SLC16A7: variants seen among roughly 807,000 people sequenced by gnomAD.
SLC16A7 encodes the protein monocarboxylate transporter 2.
SLC16A7 carries 33 observed loss-of-function variants against 34.9 expected under a neutral mutation model. The observed-to-expected ratio is 0.94, with a 90% CI of 0.72 to 1.26. The LOEUF (loss-of-function observed/expected upper bound fraction) is 1.26. Ranked by LOEUF, SLC16A7 falls within the 50% of genes most tolerant of loss-of-function variation. The pLI is 0.00. For synonymous variants in SLC16A7, 201 were observed against 206.6 expected (o/e 0.97, Z 0.23); for missense variants, 573 against 578.1 (o/e 0.99, Z 0.09).
At chr12:59,625,683 T>A (rs1259306772) in intron 1 of SLC16A7, among the ~76,000 whole-genome samples, 3 of 151,816 alleles carry the variant, frequency 2.0e-5, no homozygotes, top group Admixed American at 6.6e-5. Flanking sequence ...AAATATTAGT[T>A]ATTTTTCCCT....
At chr12:59,648,258 TACA>T (rs1868282223) in intron 1 of SLC16A7, among the ~76,000 whole-genome samples, 2 of 152,310 alleles carry the variant, frequency 1.3e-5, no homozygotes, top group East Asian at 3.9e-4. Context: ...TATCAATCTG[TACA>T]ATTAATCCAT....
chr12:59,734,010 G>C, intron 3 of SLC16A7: 1 of 345,816 alleles, frequency 2.9e-6, no homozygotes, highest in Non-Finnish European at 5.8e-6. Flanking sequence ...CCATGGGTGG[G>C]CCTGGAAAAA....
At chr12:59,766,688 A>G (rs1040903835) in intron 3 of SLC16A7, among the ~76,000 whole-genome samples, 1 of 152,138 alleles carries the variant, frequency 6.6e-6, no homozygotes, top group Non-Finnish European at 1.5e-5. Context: ...AGCCCACTTG[A>G]TCATGGTGGA....
intron 2 of SLC16A7, among the ~76,000 whole-genome samples, chr12:59,684,865 A>G (rs1029917517): frequency 3.9e-5 from 6 of 152,184 alleles, no homozygotes; most frequent in African/African-American, 1.4e-4. Context: ...AGGCCAGCCT[A>G]CAGGTCTTTA....
At chr12:59,691,949 T>C (rs1485092719) in intron 2 of SLC16A7, among the ~76,000 whole-genome samples, 1 of 152,028 alleles carries the variant, frequency 6.6e-6, no homozygotes, top group Non-Finnish European at 1.5e-5. Context: ...TCACCACTAC[T>C]ACTATACTAG....
intron 2 of SLC16A7, among the ~76,000 whole-genome samples, chr12:59,685,417 T>A (rs1178447416): frequency 6.6e-6 from 1 of 152,176 alleles, no homozygotes; most frequent in Non-Finnish European, 1.5e-5. Flanking sequence ...GTTTTTTTGA[T>A]CCTTTATAGG....
At chr12:59,674,590 G>T (rs1303956917) in intron 2 of SLC16A7, among the ~76,000 whole-genome samples, 1 of 152,152 alleles carries the variant, frequency 6.6e-6, no homozygotes, top group Non-Finnish European at 1.5e-5. Flanking sequence ...AATGTTATAT[G>T]TATAGGTAGT....
chr12:59,615,276 T>C (rs1879396145), intron 1 of SLC16A7, among the ~76,000 whole-genome samples: 1 of 152,046 alleles, frequency 6.6e-6, no homozygotes, highest in South Asian at 2.1e-4. Flanking sequence ...ATTGTTTTTA[T>C]AGCAGCACAA....
chr12:59,639,584 C>T (rs1565627848), intron 1 of SLC16A7, among the ~76,000 whole-genome samples: 5 of 151,984 alleles, frequency 3.3e-5, no homozygotes, highest in Admixed American at 1.3e-4. Flanking sequence ...CAGGGGTCTC[C>T]CGATATTGCC....
intron 3 of SLC16A7, among the ~76,000 whole-genome samples, chr12:59,712,482 C>T (rs1874350145): frequency 6.6e-6 from 1 of 152,170 alleles, no homozygotes; most frequent in Non-Finnish European, 1.5e-5. Context: ...CCAACATCAC[C>T]ATTTTCTGAC....
At chr12:59,721,892 T>C (rs1875643564) in intron 3 of SLC16A7, among the ~76,000 whole-genome samples, 1 of 151,960 alleles carries the variant, frequency 6.6e-6, no homozygotes, top group Non-Finnish European at 1.5e-5. Flanking sequence ...ATTAGCCACA[T>C]CTTTTCAGTA....
chr12:59,695,618 T>C (rs1041755046), intron 2 of SLC16A7, among the ~76,000 whole-genome samples: 16 of 152,182 alleles, frequency 1.1e-4, no homozygotes, highest in Admixed American at 1.0e-3. Flanking sequence ...CATCCTCTCA[T>C]AGAAACGTCA....
At chr12:59,752,333 A>G (rs1017792222) in intron 3 of SLC16A7, among the ~76,000 whole-genome samples, 3 of 152,178 alleles carry the variant, frequency 2.0e-5, no homozygotes, top group Non-Finnish European at 4.4e-5. Context: ...TTCAAACCAA[A>G]GGCAAAGAAG....
intron 3 of SLC16A7, among the ~76,000 whole-genome samples, chr12:59,722,794 C>T (rs1285900674): frequency 6.6e-6 from 1 of 151,802 alleles, no homozygotes; most frequent in Admixed American, 6.6e-5. Context: ...GTTTTTTTCT[C>T]CATAACACTT....
At chr12:59,716,986 G>C (rs1874981282) in intron 3 of SLC16A7, among the ~76,000 whole-genome samples, 1 of 152,216 alleles carries the variant, frequency 6.6e-6, no homozygotes, top group South Asian at 2.1e-4. Flanking sequence ...AAGCGGCTGT[G>C]ATATTGGTGC....
intron 1 of SLC16A7, among the ~76,000 whole-genome samples, chr12:59,616,853 C>G (rs192794063): frequency 9.2e-4 from 140 of 152,186 alleles, no homozygotes; most frequent in African/African-American, 3.3e-3. Flanking sequence ...GAACTTATTT[C>G]TATTATGGCA....
intron 3 of SLC16A7, among the ~76,000 whole-genome samples, chr12:59,749,041 A>G (rs914301800): frequency 6.6e-6 from 1 of 152,236 alleles, no homozygotes; most frequent in Admixed American, 6.5e-5. Context: ...ATCATTGAGA[A>G]GAAATGACAT....
intron 1 of SLC16A7, among the ~76,000 whole-genome samples, chr12:59,621,798 TG>T (rs1411269477): frequency 1.3e-5 from 2 of 151,590 alleles, no homozygotes; most frequent in Admixed American, 6.6e-5. Context: ...GTAGGGGGGT[TG>T]GGGTGGGGAT....
intron 2 of SLC16A7, among the ~76,000 whole-genome samples, chr12:59,682,481 A>G (rs993156216): frequency 1.3e-5 from 2 of 152,208 alleles, no homozygotes; most frequent in South Asian, 2.1e-4. Flanking sequence ...CATGGTCTCA[A>G]GATGCTTATA....
Sources: gnomAD v4.1 joint callset for allele counts (sites outside exome capture counted in the v4.1 genomes callset) on GRCh38, gnomAD v4.1.1 for gene constraint, MANE v1.5 for transcripts, NCBI Gene and HGNC (gene_info 2026-07-23, HGNC 2026-07-21) for gene names.